Variants in FBRSL1 observed in about 807,000 individuals in gnomAD.
FBRSL1 encodes fibrosin like 1.
In FBRSL1, 51 loss-of-function variants were observed where a neutral mutation model predicts 89.6. The ratio of observed to expected loss-of-function variants is 0.57; its 90% CI spans 0.45 to 0.72. The LOEUF is 0.72. Among genes scored for constraint, FBRSL1 ranks in the 30% least tolerant of loss-of-function variants. The pLI is 0.00. For synonymous variants in FBRSL1, 779 were observed against 681.1 expected (o/e 1.14, Z -2.24); for missense variants, 1,618 against 1,451.8 (o/e 1.11, Z -1.86).
At chr12:132,508,613 C>G (rs1342368624) in intron 2 of FBRSL1, among the ~76,000 whole-genome samples, 1 of 152,236 alleles carries the variant, frequency 6.6e-6, no homozygotes, top group African/African-American at 2.4e-5. Flanking sequence ...GGCGCGCGTT[C>G]CGGGCTGGGG....
intron 4 of FBRSL1, among the ~76,000 whole-genome samples, chr12:132,540,599 G>C (rs1051966526): frequency 6.6e-6 from 1 of 151,628 alleles, no homozygotes; most frequent in Non-Finnish European, 1.5e-5. Flanking sequence ...GACTCCACAC[G>C]CCCCCTGACC....
chr12:132,512,334 A>G (rs764616634), intron 2 of FBRSL1, among the ~76,000 whole-genome samples: 2 of 152,222 alleles, frequency 1.3e-5, no homozygotes, highest in East Asian at 3.8e-4. Flanking sequence ...GTGAGGGAGC[A>G]TGGTTCAGCC....
chr12:132,528,811 G>T (rs1384833812), intron 4 of FBRSL1, among the ~76,000 whole-genome samples: 1 of 151,926 alleles, frequency 6.6e-6, no homozygotes, highest in Admixed American at 6.5e-5. Context: ...GTGCCTCCCC[G>T]TGGGTACACG....
At chr12:132,518,029 A>C (rs1229764339) in intron 2 of FBRSL1, among the ~76,000 whole-genome samples, 1 of 152,086 alleles carries the variant, frequency 6.6e-6, no homozygotes, top group African/African-American at 2.4e-5. Context: ...CACCTGCTGG[A>C]GTCCACTCTG....
At chr12:132,511,935 C>T (rs2034387983) in intron 2 of FBRSL1, 16 of 984,624 alleles carry the variant, frequency 1.6e-5, no homozygotes, top group Non-Finnish European at 1.9e-5. Context: ...AAGTGCCGTG[C>T]CACTATTTTT....
At chr12:132,494,437 G>C (rs769397905) in intron 1 of FBRSL1, among the ~76,000 whole-genome samples, 4 of 152,210 alleles carry the variant, frequency 2.6e-5, no homozygotes, top group Non-Finnish European at 4.4e-5. Context: ...AGGTTGTGCC[G>C]GTCCCTGTGT....
chr12:132,504,917 G>T (rs2033495710), intron 1 of FBRSL1, among the ~76,000 whole-genome samples: 1 of 152,134 alleles, frequency 6.6e-6, no homozygotes, highest in African/African-American at 2.4e-5. Context: ...ATCACCTGAG[G>T]TCAGGAGTTT....
At position 132,578,008 on chromosome 12, in the gene FBRSL1, A is replaced by G. The variant is rs2040487204; in HGVS notation, c.1834+1077A>G. Among the ~76,000 whole-genome samples, 3 of 152,038 alleles carry G rather than the reference A, an allele frequency of 2.0e-5. No homozygotes were observed. In the South Asian group the frequency reaches 6.2e-4, roughly 32 times the overall value. ...CCTTGAACCACACAGAGGCTGGGACACTCCCCACCACACAGTTGAAAATCC... is the reference window on the plus strand; with the variant it reads ...CCTTGAACCACACAGAGGCTGGGACGCTCCCCACCACACAGTTGAAAATCC... On this transcript the variant is annotated intron_variant, in intron 15 of 18. Coordinates refer to ENST00000680143, the MANE Select transcript of FBRSL1 (RefSeq NM_001367871.1).
intron 5 of FBRSL1, 120 bp from the exon 6 acceptor site, chr12:132,567,361 G>A (rs2039698162): frequency 1.1e-6 from 1 of 922,526 alleles, no homozygotes; most frequent in Non-Finnish European, 1.7e-6. Flanking sequence ...GCATCCACAA[G>A]GGCACATCCC....
chr12:132,548,247 C>T lies in FBRSL1; in HGVS notation c.645+215C>T, dbSNP rs983729842. Among the ~76,000 whole-genome samples, 28 of 152,284 alleles carry T rather than the reference C, an allele frequency of 1.8e-4. No individual in the cohort carries two copies. In the South Asian group the frequency reaches 2.1e-3, roughly 11 times the overall value. On this transcript the variant is annotated intron_variant, in intron 5 of 18. Coordinates refer to ENST00000680143, the MANE Select transcript of FBRSL1 (RefSeq NM_001367871.1). The stretch of plus-strand genomic sequence containing the variant: ...GCCTGTCCAGGGCTGGGGCCGGTAC[C>T]GTGTCTGGAGGGACACAGGCCCAGG...
chr12:132,508,271 T>A lies in FBRSL1; in HGVS notation c.410T>A (p.Leu137Gln). Residue 137 changes from leucine to glutamine, a missense_variant, in exon 2 of 19, where the codon CTG (leucine) becomes CAG (glutamine). Leu to Gln is a moderately radical substitution (Grantham distance 113). Transcript: ENST00000680143. ...PAEPSENRRP[L>Q]EAGSPGQDLE... Reference sequence around the variant, plus strand: ...GAGCCCAGTGAGAACAGGCGGCCCCTGGAGGCAGGCAGCCCCGGGCAGGAC... The same window carrying A: ...GAGCCCAGTGAGAACAGGCGGCCCCAGGAGGCAGGCAGCCCCGGGCAGGAC... The A allele has an allele frequency of 6.5e-7, 1 of 1,550,376 alleles. No homozygotes were observed. Among genetic ancestry groups the A allele is most frequent in the Non-Finnish European group, 8.7e-7 (1 of 1,146,816 alleles).
At chr12:132,509,048 C>T in intron 2 of FBRSL1, 1 of 1,221,110 alleles carries the variant, frequency 8.2e-7, no homozygotes, top group Non-Finnish European at 1.0e-6. Flanking sequence ...CTCTCCTCGG[C>T]CCCCTTGGGA....
In FBRSL1 at chr12:132,542,320, C is replaced by T. The variant is rs576044582; in HGVS notation, c.616-5683C>T. On this transcript the variant is annotated intron_variant, in intron 4 of 18. Transcript: ENST00000680143. ...ACATGCTCAGCCAGGGTGGGGCTTC[C>T]GCACCGGTGTTCCCAGCAGCTCGGC... 1.6e-3 allele frequency among the ~76,000 whole-genome samples: 250 copies of T among 152,362 alleles called. 1 individual carries two copies. Among genetic ancestry groups the T allele is most frequent in the Non-Finnish European group, 3.0e-3 (205 of 68,026 alleles).
At chr12:132,560,396 C>T (rs982962560) in intron 5 of FBRSL1, among the ~76,000 whole-genome samples, 22 of 151,856 alleles carry the variant, frequency 1.4e-4, no homozygotes, top group Admixed American at 3.9e-4. Context: ...CCCGGGGGCG[C>T]ACGTGGCGGC....
At chr12:132,528,794 G>A (rs943079041) in intron 4 of FBRSL1, among the ~76,000 whole-genome samples, 3 of 152,080 alleles carry the variant, frequency 2.0e-5, no homozygotes, top group African/African-American at 7.2e-5. Flanking sequence ...GTGTTTCAGT[G>A]TGTGCCGTGC....
Position 132,566,554 on chromosome 12 carries a change from C to T in FBRSL1, c.646-927C>T, listed in dbSNP as rs546927311. ...CCCTCCCCATCAGCGGCCACATTCT[C>T]GCCACCTGCTTGTGGCAGGTGGTTG... is the stretch of plus-strand genomic sequence containing the variant. On this transcript the variant is annotated intron_variant, in intron 5 of 18. Coordinates refer to ENST00000680143, the MANE Select transcript of FBRSL1 (RefSeq NM_001367871.1). 29 of 23,946 alleles carry T rather than the reference C, an allele frequency of 1.2e-3. No homozygotes were observed. The East Asian group carries it at 0.056, about 46-fold the overall frequency. 1.5% of individuals were successfully genotyped at this position (23,946 alleles called of 1,614,324 possible). A position where few individuals can be genotyped will look rare whatever the true frequency, so the allele number is the denominator to read the frequency against.
intron 9 of FBRSL1, chr12:132,572,047 G>T (rs1258500206): frequency 1.1e-5 from 6 of 565,940 alleles, no homozygotes; most frequent in East Asian, 5.9e-5. Context: ...TGCCTGGGGG[G>T]GCCGAGTTCC....
In FBRSL1 at chr12:132,527,937, C is replaced by T. The variant is rs1331525675; in HGVS notation, c.580-16C>T. 2.6e-6 allele frequency: 4 copies of T among 1,551,156 alleles called. No homozygotes were observed. The highest frequency in any genetic ancestry group is 2.4e-5 in the South Asian group (2 of 84,052). On this transcript the variant is annotated splice_polypyrimidine_tract_variant and intron_variant, in intron 3 of 18. Coordinates refer to ENST00000680143, the MANE Select transcript of FBRSL1 (RefSeq NM_001367871.1). ...GAGTGGCAGCCTCACTGACTGTCCC[C>T]TCTTCCTTCCTGCAGAGCTCTGCGC...
rs938312707 is a variant in FBRSL1, at chr12:132,501,318, G to A, written c.292-6835G>A. Among the ~76,000 whole-genome samples the A allele has an allele frequency of 5.3e-5, 8 of 152,318 alleles. No individual in the cohort carries two copies. The East Asian group carries it at 5.8e-4, about 11-fold the overall frequency. On this transcript the variant is annotated intron_variant, in intron 1 of 18. Transcript: ENST00000680143. ...AGCGGCGGCTGCCCCTGTGGTCCTC[G>A]CGCCCCAGGCCTGTGGCTTTAGCGA...
Sources: gnomAD v4.1 joint callset for allele counts (sites outside exome capture counted in the v4.1 genomes callset) on GRCh38, gnomAD v4.1.1 for gene constraint, MANE v1.5 for transcripts, NCBI Gene and HGNC (gene_info 2026-07-23, HGNC 2026-07-21) for gene names.